The following SUPT3H variants were observed in gnomAD, a reference collection of about 807,000 sequenced individuals.
SUPT3H encodes the protein transcription initiation protein SPT3 homolog.
SUPT3H carries 44 observed loss-of-function variants against 44.3 expected under a neutral mutation model. The ratio of observed to expected loss-of-function variants is 0.99; its 90% confidence interval spans 0.78 to 1.28. SUPT3H has a LOEUF of 1.28. Ranked by LOEUF, SUPT3H falls within the 50% of genes most tolerant of loss-of-function variation. The probability of loss-of-function intolerance (pLI) is 0.00; values close to 1 mark genes in which losing one functional copy is unlikely to be tolerated. For missense variants in SUPT3H, 380 were observed against 387.1 expected (o/e 0.98, Z 0.15); for synonymous variants, 124 against 125.6 (o/e 0.99, Z 0.09).
intron 2 of SUPT3H, among the ~76,000 whole-genome samples, chr6:45,156,745 C>T (rs2153598940): frequency 6.6e-6 from 1 of 151,428 alleles, no homozygotes; most frequent in East Asian, 1.9e-4. Context: ...TTGGTTTTCT[C>T]TTAATATATA....
At chr6:45,372,967 C>T (rs529721093) in intron 1 of SUPT3H, among the ~76,000 whole-genome samples, 6 of 152,078 alleles carry the variant, frequency 3.9e-5, no homozygotes, top group Admixed American at 1.3e-4. Flanking sequence ...CGCCAAGACA[C>T]GCGGCTAATT....
At chr6:45,005,817 T>C (rs1782638460) in intron 5 of SUPT3H, among the ~76,000 whole-genome samples, 1 of 152,148 alleles carries the variant, frequency 6.6e-6, no homozygotes, top group African/African-American at 2.4e-5. Flanking sequence ...TCCTATCAGA[T>C]ATCTATTCTT....
intron 2 of SUPT3H, among the ~76,000 whole-genome samples, chr6:45,174,701 G>C (rs781639957): frequency 3.3e-5 from 5 of 151,894 alleles, no homozygotes; most frequent in African/African-American, 4.8e-5. Context: ...CTATAAAAAA[G>C]TTTTATATCT....
At chr6:45,028,010 G>T (rs1176231546) in intron 3 of SUPT3H, among the ~76,000 whole-genome samples, 1 of 152,118 alleles carries the variant, frequency 6.6e-6, no homozygotes, top group East Asian at 1.9e-4. Flanking sequence ...TTCTTTGAAG[G>T]TCTATCTTGA....
At chr6:44,890,596 G>C (rs1292671474) in intron 10 of SUPT3H, among the ~76,000 whole-genome samples, 185 of 131,694 alleles carry the variant, frequency 1.4e-3, no homozygotes, top group African/African-American at 4.8e-3. Context: ...ACATCACACT[G>C]TGGGGACTGT....
intron 3 of SUPT3H, among the ~76,000 whole-genome samples, chr6:45,075,830 G>A (rs1794939264): frequency 6.6e-6 from 1 of 151,906 alleles, no homozygotes; most frequent in Non-Finnish European, 1.5e-5. Flanking sequence ...TCTTCTTCCT[G>A]ATTTATAATT....
chr6:45,229,795 G>A (rs751283791), intron 2 of SUPT3H, among the ~76,000 whole-genome samples: 1 of 152,208 alleles, frequency 6.6e-6, no homozygotes, highest in East Asian at 1.9e-4. Context: ...GATAAATGGG[G>A]TAATCCAACA....
intron 9 of SUPT3H, among the ~76,000 whole-genome samples, chr6:44,937,236 AATCCCAGC>A (rs1427307665): frequency 2.6e-5 from 4 of 152,034 alleles, no homozygotes; most frequent in Admixed American, 2.6e-4. Flanking sequence ...TCATGCCTGT[AATCCCAGC>A]ACTTTGGGAG....
chr6:44,819,509 T>C (rs1767132315), intron 11 of SUPT3H, among the ~76,000 whole-genome samples: 1 of 120,910 alleles, frequency 8.3e-6, no homozygotes, highest in African/African-American at 2.9e-5. Flanking sequence ...TAAAGAAACA[T>C]AGATAAGAGT....
intron 2 of SUPT3H, among the ~76,000 whole-genome samples, chr6:45,234,936 T>A (rs1042085469): frequency 1.3e-5 from 2 of 152,166 alleles, no homozygotes; most frequent in South Asian, 4.1e-4. Context: ...TTAATAAAAT[T>A]TAAGAGCTGA....
chr6:45,281,592 G>A (rs1172747180), intron 2 of SUPT3H, among the ~76,000 whole-genome samples: 1 of 152,178 alleles, frequency 6.6e-6, no homozygotes, highest in Non-Finnish European at 1.5e-5. Context: ...AAAGCAGCCG[G>A]GAAGCTCAAA....
At chr6:45,048,531 A>G (rs1789791291) in intron 3 of SUPT3H, among the ~76,000 whole-genome samples, 1 of 152,108 alleles carries the variant, frequency 6.6e-6, no homozygotes, top group Non-Finnish European at 1.5e-5. Context: ...TGATCCATCA[A>G]TCTCATTATT....
downstream of SUPT3H, among the ~76,000 whole-genome samples, chr6:44,822,052 A>G (rs573520840): frequency 2.2e-4 from 33 of 152,354 alleles, no homozygotes; most frequent in African/African-American, 7.2e-4. Flanking sequence ...ACTTATGTGT[A>G]TATTTATTAA....
chr6:45,126,847 A>C (rs1223883054), intron 2 of SUPT3H, among the ~76,000 whole-genome samples: 3 of 152,216 alleles, frequency 2.0e-5, no homozygotes, highest in Non-Finnish European at 4.4e-5. Flanking sequence ...TCTGCAATTT[A>C]GTTCATTTTT....
intron 2 of SUPT3H, among the ~76,000 whole-genome samples, chr6:45,155,080 T>C (rs1164811653): frequency 2.0e-5 from 3 of 152,182 alleles, no homozygotes; most frequent in Non-Finnish European, 2.9e-5. Context: ...AAAAAATGCA[T>C]CTTACTGGGC....
chr6:44,907,381 A>G (rs896397121), intron 10 of SUPT3H, among the ~76,000 whole-genome samples: 1 of 152,176 alleles, frequency 6.6e-6, no homozygotes, highest in African/African-American at 2.4e-5. Context: ...TCTTACCTAT[A>G]AAATAAAAGC....
chr6:45,362,407 G>A (rs1197529430), intron 2 of SUPT3H, among the ~76,000 whole-genome samples: 1 of 152,102 alleles, frequency 6.6e-6, no homozygotes, highest in South Asian at 2.1e-4. Flanking sequence ...GCAGCAGTAG[G>A]GAGTCACAGA....
intron 10 of SUPT3H, among the ~76,000 whole-genome samples, chr6:44,839,174 G>A (rs1456279944): frequency 6.6e-6 from 1 of 152,080 alleles, no homozygotes; most frequent in Admixed American, 6.5e-5. Context: ...GAGCTTTTGG[G>A]CTCATGGTAA....
intron 3 of SUPT3H, among the ~76,000 whole-genome samples, chr6:45,075,104 C>T (rs1011300714): frequency 2.0e-5 from 3 of 152,012 alleles, no homozygotes; most frequent in Non-Finnish European, 4.4e-5. Context: ...GGTTCAGTGC[C>T]TTTTCGGCAT....
Sources: allele counts gnomAD v4.1 joint callset (sites outside exome capture counted in the v4.1 genomes callset), GRCh38; gene constraint gnomAD v4.1.1; transcripts MANE v1.5; gene names NCBI Gene and HGNC (gene_info 2026-07-23, HGNC 2026-07-21).